The following ETV6 variants were observed in gnomAD, a reference collection of about 807,000 sequenced individuals.
The protein encoded by ETV6 is transcription factor ETV6.
Under a neutral mutation model 51.1 loss-of-function variants are expected in ETV6, and 16 were observed. The observed-to-expected ratio is 0.31, with a 90% CI of 0.21 to 0.48. The LOEUF (loss-of-function observed/expected upper bound fraction) is 0.48. ETV6 is among the 20% of genes least tolerant of loss of function. The pLI is 0.99. For synonymous variants in ETV6, 240 were observed against 224.1 expected (o/e 1.07, Z -0.64); for missense variants, 458 against 594.8 (o/e 0.77, Z 2.39).
At chr12:11,868,645 A>T (rs183175005) in intron 4 of ETV6, among the ~76,000 whole-genome samples, 3 of 151,268 alleles carry the variant, frequency 2.0e-5, no homozygotes, top group African/African-American at 7.3e-5. Context: ...AGCATCTAAG[A>T]TATAGTTATT....
intron 7 of ETV6, among the ~76,000 whole-genome samples, chr12:11,888,849 A>G (rs1027189346): frequency 1.3e-5 from 2 of 151,994 alleles, no homozygotes; most frequent in African/African-American, 4.8e-5. Flanking sequence ...CGACTACAGG[A>G]TTTATATTTT....
chr12:11,741,170 C>T (rs907223127), intron 1 of ETV6, among the ~76,000 whole-genome samples: 4 of 152,050 alleles, frequency 2.6e-5, no homozygotes, highest in Non-Finnish European at 2.9e-5. Flanking sequence ...AAATAAAGAC[C>T]GAACCATGGT....
At chr12:11,757,706 A>G (rs1015818211) in intron 2 of ETV6, among the ~76,000 whole-genome samples, 1 of 152,218 alleles carries the variant, frequency 6.6e-6, no homozygotes, top group Non-Finnish European at 1.5e-5. Flanking sequence ...AAAGAGTTTC[A>G]TGGACTTGAA....
At chr12:11,796,246 G>A (rs936769721) in intron 2 of ETV6, among the ~76,000 whole-genome samples, 5 of 152,098 alleles carry the variant, frequency 3.3e-5, no homozygotes, top group African/African-American at 1.2e-4. Flanking sequence ...AAAGTAGATC[G>A]AGCTTTAGGC....
intron 1 of ETV6, among the ~76,000 whole-genome samples, chr12:11,745,519 C>A (rs1865891686): frequency 6.6e-6 from 1 of 152,106 alleles, no homozygotes; most frequent in South Asian, 2.1e-4. Flanking sequence ...TTTTTTCCCC[C>A]ACAGGCCACA....
intron 2 of ETV6, among the ~76,000 whole-genome samples, chr12:11,776,452 C>A (rs1346537873): frequency 3.3e-5 from 5 of 151,492 alleles, no homozygotes; most frequent in Non-Finnish European, 7.4e-5. Context: ...GCTATGTTTC[C>A]CAGGCTGGTC....
At chr12:11,845,907 G>A (rs533062900) in intron 3 of ETV6, among the ~76,000 whole-genome samples, 108 of 151,574 alleles carry the variant, frequency 7.1e-4, no homozygotes, top group African/African-American at 2.4e-3. Flanking sequence ...CAGGAGAATC[G>A]CTTGAACCCA....
intron 1 of ETV6, among the ~76,000 whole-genome samples, chr12:11,750,523 G>A (rs1866001614): frequency 6.6e-6 from 1 of 152,190 alleles, no homozygotes; most frequent in Non-Finnish European, 1.5e-5. Context: ...TTGCACTCAT[G>A]AAGCACCATT....
chr12:11,712,460 G>A (rs1038011692), intron 1 of ETV6, among the ~76,000 whole-genome samples: 2 of 152,176 alleles, frequency 1.3e-5, no homozygotes, highest in East Asian at 1.9e-4. Context: ...TCATCTCGTC[G>A]TAGATGGGGA....
chr12:11,687,861 A>G (rs1321442849), intron 1 of ETV6, among the ~76,000 whole-genome samples: 1 of 152,234 alleles, frequency 6.6e-6, no homozygotes, highest in Non-Finnish European at 1.5e-5. Context: ...GCACAGAGAA[A>G]GTTTGCTGTG....
chr12:11,773,997 C>T (rs1422271892), intron 2 of ETV6, among the ~76,000 whole-genome samples: 1 of 152,096 alleles, frequency 6.6e-6, no homozygotes, highest in Non-Finnish European at 1.5e-5. Context: ...GTGAAGCGGG[C>T]AGAGACTGGC....
chr12:11,704,866 A>G (rs1172889215), intron 1 of ETV6, among the ~76,000 whole-genome samples: 2 of 152,180 alleles, frequency 1.3e-5, no homozygotes, highest in Non-Finnish European at 2.9e-5. Flanking sequence ...ATTAAGCCTT[A>G]AAAAAGGAGA....
At chr12:11,673,424 T>C (rs1000347873) in intron 1 of ETV6, among the ~76,000 whole-genome samples, 2 of 152,208 alleles carry the variant, frequency 1.3e-5, no homozygotes, top group African/African-American at 4.8e-5. Flanking sequence ...AGGAAAGCAC[T>C]GTTAAGATAC....
At chr12:11,842,587 A>C (rs1169462991) in intron 3 of ETV6, among the ~76,000 whole-genome samples, 1 of 152,170 alleles carries the variant, frequency 6.6e-6, no homozygotes, top group Admixed American at 6.5e-5. Context: ...GCACTCAACA[A>C]ATGTAGGTTG....
At chr12:11,689,786 C>G (rs1864713827) in intron 1 of ETV6, among the ~76,000 whole-genome samples, 1 of 146,520 alleles carries the variant, frequency 6.8e-6, no homozygotes, top group Non-Finnish European at 1.5e-5. Flanking sequence ...AATCATTTGT[C>G]TCCCACTGGG....
chr12:11,845,605 A>T (rs1264488266), intron 3 of ETV6, among the ~76,000 whole-genome samples: 1 of 152,238 alleles, frequency 6.6e-6, no homozygotes, highest in Non-Finnish European at 1.5e-5. Context: ...TAAGTAAAAG[A>T]CTAATTTATT....
intron 1 of ETV6, among the ~76,000 whole-genome samples, chr12:11,661,216 C>G (rs1864096006): frequency 1.3e-5 from 2 of 151,984 alleles, no homozygotes; most frequent in Non-Finnish European, 2.9e-5. Context: ...GCTCTCAGAA[C>G]TCCTGGGCTC....
intron 1 of ETV6, among the ~76,000 whole-genome samples, chr12:11,674,280 G>A (rs563853835): frequency 8.5e-5 from 13 of 152,318 alleles, no homozygotes; most frequent in Admixed American, 1.3e-4. Context: ...TCAAATGGGC[G>A]TGTGGAGGAA....
chr12:11,702,409 G>A (rs1373551080), intron 1 of ETV6, among the ~76,000 whole-genome samples: 1 of 152,144 alleles, frequency 6.6e-6, no homozygotes, highest in Non-Finnish European at 1.5e-5. Context: ...AAGATAGCTG[G>A]ACAGGTTCCT....
Sources: gnomAD v4.1 joint callset for allele counts (sites outside exome capture counted in the v4.1 genomes callset) on GRCh38, gnomAD v4.1.1 for gene constraint, MANE v1.5 for transcripts, NCBI Gene and HGNC (gene_info 2026-07-23, HGNC 2026-07-21) for gene names.